Variants in NOS1 observed in about 807,000 individuals in gnomAD.
The protein encoded by NOS1 is NOS type I.
NOS1 carries 51 observed loss-of-function variants against 164.5 expected under a neutral mutation model. The observed-to-expected ratio is 0.31, with a 90% CI of 0.25 to 0.39. The LOEUF (loss-of-function observed/expected upper bound fraction) is 0.39. NOS1 is among the 10% of genes least tolerant of loss of function. The pLI is 1.00. For synonymous variants in NOS1, 719 were observed against 745.8 expected, an observed-to-expected ratio of 0.96 and a Z score of 0.59; for missense variants, 1,362 against 1,885.6, an observed-to-expected ratio of 0.72 and a Z score of 5.14.
In NOS1 at chr12:117,209,518, G is replaced by T. The variant is rs760062562; in HGVS notation, c.*5791C>A. The T allele has an allele frequency of 1.0e-6, 1 of 985,486 alleles. No homozygotes were observed. The allele number at this position is 985,486 out of a possible 1,614,324, so 61.0% of individuals were successfully genotyped here. A position where few individuals can be genotyped will look rare whatever the true frequency, so the allele number is the denominator to read the frequency against. ...AGTGCATGGAGGCAGATTTGTTCCC[G>T]CCTGCCAGGGCCATCTCGTTAATAA... On this transcript the variant is annotated 3_prime_UTR_variant, in exon 29 of 29. Transcript: ENST00000317775.
intron 1 of NOS1, among the ~76,000 whole-genome samples, chr12:117,331,872 A>G (rs1467368795): frequency 1.3e-5 from 2 of 152,198 alleles, no homozygotes; most frequent in Non-Finnish European, 2.9e-5. Context: ...TGTCTTGTAT[A>G]CATTTTCCAT....
At chr12:117,318,544 C>G (rs865872831) in intron 2 of NOS1, among the ~76,000 whole-genome samples, 13 of 152,326 alleles carry the variant, frequency 8.5e-5, no homozygotes, top group Middle Eastern at 3.4e-3. Context: ...ATCTCTAAAC[C>G]TTCTGAGAAT....
At chr12:117,314,270 C>T (rs765218233) in intron 2 of NOS1, among the ~76,000 whole-genome samples, 75 of 152,154 alleles carry the variant, frequency 4.9e-4, no homozygotes, top group Non-Finnish European at 9.4e-4. Context: ...TCAACGGCTA[C>T]CTACATGATC....
Position 117,210,258 on chromosome 12 carries a change from A to C in NOS1, c.*5051T>G, listed in dbSNP as rs149657692. On this transcript the variant is annotated 3_prime_UTR_variant, in exon 29 of 29. Coordinates refer to ENST00000317775, the MANE Select transcript of NOS1 (RefSeq NM_000620.5). ...AGTCTCCCAAAGTGCTATTACAGGC[A>C]TGAACCACCATGCCTGGCCTACTTT... 18 of 982,836 alleles carry C rather than the reference A, an allele frequency of 1.8e-5. No individual in the cohort carries two copies. In the African/African-American group the frequency reaches 2.1e-4, roughly 11 times the overall value. 60.9% of individuals were successfully genotyped at this position (982,836 alleles called of 1,614,324 possible).
rs939249198 is a variant in NOS1, at chr12:117,210,280, C to T, written c.*5029G>A. 40 of 984,968 alleles carry T rather than the reference C, an allele frequency of 4.1e-5. No individual in the cohort carries two copies. The highest frequency in any genetic ancestry group is 4.5e-5 in the Non-Finnish European group (37 of 829,902). 61.0% of individuals were successfully genotyped at this position (984,968 alleles called of 1,614,324 possible). ...GGCATGAACCACCATGCCTGGCCTA[C>T]TTTTTGAGCCAAAGAGGACATTTGG... is the stretch of plus-strand genomic sequence containing the variant. On this transcript the variant is annotated 3_prime_UTR_variant, in exon 29 of 29. Transcript: ENST00000317775.
intron 18 of NOS1, among the ~76,000 whole-genome samples, chr12:117,245,203 CT>C (rs1472448236): frequency 6.6e-6 from 1 of 152,162 alleles, no homozygotes; most frequent in Non-Finnish European, 1.5e-5. Context: ...GCATAGTACC[CT>C]TTCCCCTGGG....
chr12:117,307,392 G>C (rs1840415012), intron 3 of NOS1, among the ~76,000 whole-genome samples: 1 of 152,060 alleles, frequency 6.6e-6, no homozygotes, highest in African/African-American at 2.4e-5. Flanking sequence ...ACAGGTTCTT[G>C]CTCTGTCACC....
At chr12:117,293,628 C>G (rs546078026) in intron 3 of NOS1, among the ~76,000 whole-genome samples, 2 of 151,924 alleles carry the variant, frequency 1.3e-5, no homozygotes, top group East Asian at 3.9e-4. Context: ...AATACTTCTG[C>G]AAGTATTATT....
At chr12:117,215,861 TA>T (rs1231380920) in intron 28 of NOS1, among the ~76,000 whole-genome samples, 10 of 148,764 alleles carry the variant, frequency 6.7e-5, no homozygotes, top group Admixed American at 3.5e-4. Flanking sequence ...GAGAAACATT[TA>T]AAAGGACTTT....
chr12:117,275,224 T>C (rs1873087511), intron 9 of NOS1, among the ~76,000 whole-genome samples: 1 of 152,134 alleles, frequency 6.6e-6, no homozygotes, highest in East Asian at 1.9e-4. Context: ...CTACCAGGTC[T>C]GGTGTGGATC....
At chr12:117,242,832 C>T (rs1194832097) in intron 19 of NOS1, 127 bp from the exon 20 acceptor site, 1 of 778,178 alleles carries the variant, frequency 1.3e-6, no homozygotes, top group South Asian at 1.5e-5. Flanking sequence ...GGGAGGATCA[C>T]TTGAGGCCAG....
chr12:117,305,135 C>T, intron 3 of NOS1: 1 of 934,922 alleles, frequency 1.1e-6, no homozygotes, highest in Non-Finnish European at 1.3e-6. Flanking sequence ...GATGCTTAAA[C>T]AAGCCATAAA....
intron 17 of NOS1, among the ~76,000 whole-genome samples, chr12:117,252,265 T>C (rs542869503): frequency 6.6e-6 from 1 of 152,346 alleles, no homozygotes; most frequent in South Asian, 2.1e-4. Flanking sequence ...AATAACATTT[T>C]CTTTATTCGG....
chr12:117,208,355 G>A lies in NOS1; in HGVS notation c.*6954C>T. 3 of 1,287,652 alleles carry A rather than the reference G, an allele frequency of 2.3e-6. No individual in the cohort carries two copies. The South Asian group carries it at 3.7e-5, about 16-fold the overall frequency. The allele number at this position is 1,287,652 out of a possible 1,614,324, so 79.8% of individuals were successfully genotyped here. A position where few individuals can be genotyped will look rare whatever the true frequency, so the allele number is the denominator to read the frequency against. ...TTGGCAGAGATTAGCAGCATTGAGA[G>A]CTCAGAGGTAGGGGGGACGGCCGAG... On this transcript the variant is annotated 3_prime_UTR_variant, in exon 29 of 29. Coordinates refer to ENST00000317775, the MANE Select transcript of NOS1 (RefSeq NM_000620.5).
Position 117,234,868 on chromosome 12 carries a change from T to C in NOS1, c.3042-110A>G. 2 of 833,078 alleles carry C rather than the reference T, an allele frequency of 2.4e-6. No individual in the cohort carries two copies. The highest frequency in any genetic ancestry group is 1.8e-5 in the South Asian group (1 of 54,070). The allele number at this position is 833,078 out of a possible 1,614,324, so 51.6% of individuals were successfully genotyped here. On this transcript the variant is annotated intron_variant, in intron 20 of 28. Coordinates refer to ENST00000317775, the MANE Select transcript of NOS1 (RefSeq NM_000620.5). The surrounding 1 kb of genome is among the most constrained non-coding windows in gnomAD (Gnocchi z 4.3). ...TGCAATTCTCCTCCTTCCATTCTTG[T>C]TGGGGCCCGTGCTAACCAAGCCTAT...
chr12:117,294,272 G>A (rs1475733308), intron 3 of NOS1, among the ~76,000 whole-genome samples: 1 of 152,156 alleles, frequency 6.6e-6, no homozygotes, highest in African/African-American at 2.4e-5. Flanking sequence ...AGGGTGGGGG[G>A]CCAGGCGTGA....
chr12:117,245,348 T>G (rs1474589288), intron 18 of NOS1, among the ~76,000 whole-genome samples: 1 of 152,086 alleles, frequency 6.6e-6, no homozygotes, highest in Non-Finnish European at 1.5e-5. Context: ...CATGCATGGT[T>G]CATTTATCCC....
At chr12:117,304,171 C>CAA (rs35578100) in intron 3 of NOS1, among the ~76,000 whole-genome samples, 1 of 146,822 alleles carries the variant, frequency 6.8e-6, no homozygotes, top group East Asian at 2.0e-4. Flanking sequence ...GACTCCATCT[C>CAA]AAAAAAAAAA....
chr12:117,311,523 T>C lies in NOS1; in HGVS notation c.795A>G (p.Leu265=), dbSNP rs747209614. The stretch of plus-strand genomic sequence containing the variant: ...CGACAGGCACATTGCCCTTCCCCCA[T>C]AGGTCATTGAAGACTCGGTCGTTCT... ...GVENDRVFND[L]WGKGNVPVVL... The change falls in exon 3 of 29, where the codon CTA becomes CTG. Residue 265 remains leucine (L), a synonymous_variant. Transcript: ENST00000317775. The C allele has an allele frequency of 2.3e-5, 37 of 1,612,592 alleles. No individual in the cohort carries two copies. The highest frequency in any genetic ancestry group is 3.1e-5 in the Non-Finnish European group (37 of 1,179,408).
Sources: gnomAD v4.1 joint callset for allele counts (sites outside exome capture counted in the v4.1 genomes callset) on GRCh38, gnomAD v4.1.1 for gene constraint, Gnocchi (gnomAD v3.1) non-coding constraint, MANE v1.5 for transcripts, NCBI Gene and HGNC (gene_info 2026-07-23, HGNC 2026-07-21) for gene names.